The following MCCC2 variants were observed in gnomAD, a reference collection of about 807,000 sequenced individuals.
MCCC2 encodes the protein methylcrotonoyl-CoA carboxylase beta chain, mitochondrial.
Under a neutral mutation model 77.2 loss-of-function variants are expected in MCCC2, and 52 were observed. The ratio of observed to expected loss-of-function variants is 0.67; its 90% CI spans 0.54 to 0.85. The LOEUF is 0.85. Ranked by LOEUF, MCCC2 falls within the 40% of genes least tolerant of loss-of-function variation. The pLI, the probability that MCCC2 is intolerant of heterozygous loss-of-function variation, is 0.00. For missense variants in MCCC2, 682 were observed against 703.2 expected, an observed-to-expected ratio of 0.97 and a Z score of 0.34; for synonymous variants, 253 against 248.4, an observed-to-expected ratio of 1.02 and a Z score of -0.18.
chr5:71,598,302 C>A lies in MCCC2; in HGVS notation c.282-1357C>A, dbSNP rs552860966. On this transcript the variant is annotated intron_variant, in intron 3 of 16. Coordinates refer to ENST00000340941, the MANE Select transcript of MCCC2 (RefSeq NM_022132.5). ...CCCAGGATGGTCTCAATCTCTTGACCTCGTGATCTGCCCACCTTGGCCTCC... is the reference window on the plus strand; with the variant it reads ...CCCAGGATGGTCTCAATCTCTTGACATCGTGATCTGCCCACCTTGGCCTCC... Among the ~76,000 whole-genome samples, 5 of 152,022 alleles carry A rather than the reference C, an allele frequency of 3.3e-5. No homozygotes were observed. In the South Asian group the frequency reaches 8.3e-4, roughly 25 times the overall value.
At chr5:71,636,205 G>A (rs1352057436) in intron 10 of MCCC2, 1 of 315,166 alleles carries the variant, frequency 3.2e-6, no homozygotes, top group Non-Finnish European at 6.6e-6. Context: ...TGCATTGATG[G>A]ATATAATGTT....
At chr5:71,627,644 C>G (rs897638972) in intron 7 of MCCC2, among the ~76,000 whole-genome samples, 1 of 152,138 alleles carries the variant, frequency 6.6e-6, no homozygotes, top group Admixed American at 6.5e-5. Context: ...TGAAAAACTT[C>G]TAATCTATCC....
At chr5:71,644,058 TGTGTGTGTGTGTGCGC>T (rs1305252473) in intron 12 of MCCC2, among the ~76,000 whole-genome samples, 163 bp downstream of exon 12, 16 of 147,504 alleles carry the variant, frequency 1.1e-4, no homozygotes, top group Middle Eastern at 3.5e-3. Context: ...TGTGTGTGTG[TGTGTGTGTGTGTGCGC>T]GCGTGTGTAT....
chr5:71,649,228 TATGGG>T lies in MCCC2; in HGVS notation c.1352_1356del (p.Gly451ValfsTer6). On this transcript the variant is annotated frameshift_variant, in exon 14 of 17. Coordinates refer to ENST00000340941, the MANE Select transcript of MCCC2 (RefSeq NM_022132.5). LOFTEE classifies it high-confidence loss of function. ...TGGGGGCTCCTATGGAGCCGGAAAC[TATGGG>T]ATGTGTGGCAGAGCATATAGGTAGG... 1.2e-6 allele frequency: 2 copies of T among 1,614,144 alleles called. No individual in the cohort carries two copies. The highest frequency in any genetic ancestry group is 2.2e-5 in the South Asian group (2 of 91,080).
At position 71,656,805 on chromosome 5, in the gene MCCC2, G is replaced by A. The variant is rs752227790; in HGVS notation, c.1637G>A (p.Ser546Asn). The A allele has an allele frequency of 6.2e-7, 1 of 1,614,122 alleles. No homozygotes were observed. Among genetic ancestry groups the A allele is most frequent in the South Asian group, 1.1e-5 (1 of 91,076 alleles). Residue 546 changes from serine to asparagine, a missense_variant, in exon 17 of 17, where the codon AGT becomes AAT. Physicochemically the swap from Ser to Asn is conservative, Grantham distance 46 (BLOSUM62 1). Transcript: ENST00000340941. ...AGACTGGTCTTGGGTCTCAGTTTTAGTGCAGCCCTCAACGCACCAATAGAG... is the reference window on the plus strand; with the variant it reads ...AGACTGGTCTTGGGTCTCAGTTTTAATGCAGCCCTCAACGCACCAATAGAG... ...DTRLVLGLSF[S>N]AALNAPIEKT...
chr5:71,636,543 A>G (rs1322362193), intron 10 of MCCC2: 1 of 152,078 alleles, frequency 6.6e-6, no homozygotes, highest in Admixed American at 6.6e-5. Context: ...TCTACTAAAC[A>G]TACAAAAATT....
chr5:71,632,253 T>C (rs896486336), intron 8 of MCCC2, 68 bp downstream of exon 8: 1 of 1,532,572 alleles, frequency 6.5e-7, no homozygotes. Context: ...AAAAGAAGTT[T>C]TACGTATTTG....
intron 4 of MCCC2, among the ~76,000 whole-genome samples, chr5:71,600,694 A>C (rs926320031): frequency 2.6e-5 from 4 of 152,248 alleles, no homozygotes; most frequent in Non-Finnish European, 5.9e-5. Flanking sequence ...ATTTGCTCAA[A>C]TTAAGCAAAA....
At chr5:71,608,999 C>A (rs1191694624) in intron 6 of MCCC2, among the ~76,000 whole-genome samples, 19 of 152,012 alleles carry the variant, frequency 1.2e-4, no homozygotes, top group Non-Finnish European at 2.5e-4. Flanking sequence ...CTGCCCTTAA[C>A]ATTTTTTCCT....
rs201664905 is a variant in MCCC2 at position 71,641,092 on chromosome 5, T to C, written c.1072+17T>C. On this transcript the variant is annotated intron_variant, in intron 11 of 16. Coordinates refer to ENST00000340941, the MANE Select transcript of MCCC2 (RefSeq NM_022132.5). The stretch of plus-strand genomic sequence containing the variant: ...TAGTTACAGGTATAAAGGTGAAGAA[T>C]TGAAAATACGAACATTTTCTGCTGC... 192 of 1,606,568 alleles carry C rather than the reference T, an allele frequency of 1.2e-4. No homozygotes were observed. The highest frequency in any genetic ancestry group is 1.5e-4 in the Non-Finnish European group (181 of 1,173,318).
chr5:71,595,968 G>A (rs1745170149), intron 2 of MCCC2, among the ~76,000 whole-genome samples: 1 of 152,114 alleles, frequency 6.6e-6, no homozygotes, highest in Non-Finnish European at 1.5e-5. Context: ...GTGGAGATGA[G>A]GCATTATTTG....
intron 5 of MCCC2, chr5:71,603,165 C>A (rs1385526348): frequency 6.4e-6 from 1 of 156,502 alleles, no homozygotes; most frequent in Non-Finnish European, 1.4e-5. Flanking sequence ...GTAATCCCAG[C>A]ACTTTGGGAG....
chr5:71,615,614 A>G (rs949566494), intron 6 of MCCC2, among the ~76,000 whole-genome samples: 3 of 152,114 alleles, frequency 2.0e-5, no homozygotes, highest in African/African-American at 7.2e-5. Flanking sequence ...TAAGAAATAT[A>G]CACATTGATC....
At chr5:71,632,057 T>C in intron 7 of MCCC2, 64 bp from the exon 8 acceptor site, 1 of 1,407,796 alleles carries the variant, frequency 7.1e-7, no homozygotes, top group Non-Finnish European at 1.0e-6. Flanking sequence ...GTTGTGCATG[T>C]TGGGGAAGCA....
chr5:71,596,259 C>G (rs771251662), intron 2 of MCCC2, 21 bp from the exon 3 acceptor site: 14 of 1,603,074 alleles, frequency 8.7e-6, no homozygotes, highest in Non-Finnish European at 1.1e-5. Context: ...CTAATCTAAT[C>G]TAATCACATT....
At chr5:71,589,424 G>T (rs1744888194) in intron 1 of MCCC2, among the ~76,000 whole-genome samples, 1 of 152,250 alleles carries the variant, frequency 6.6e-6, no homozygotes, top group African/African-American at 2.4e-5. Flanking sequence ...TCCACTGCAG[G>T]GTAGGTTCAG....
At chr5:71,626,217 TC>T (rs1336488487) in intron 6 of MCCC2, among the ~76,000 whole-genome samples, 1 of 152,230 alleles carries the variant, frequency 6.6e-6, no homozygotes, top group African/African-American at 2.4e-5. Flanking sequence ...ATTAATAACA[TC>T]CATTTGAAGA....
intron 15 of MCCC2, among the ~76,000 whole-genome samples, chr5:71,652,382 C>T (rs1747459310): frequency 6.6e-6 from 1 of 152,180 alleles, no homozygotes; most frequent in Admixed American, 6.5e-5. Context: ...TTGTATAATT[C>T]ACATCTATTA....
chr5:71,593,495 G>A lies in MCCC2; in HGVS notation c.196+503G>A, dbSNP rs373466382. Among the ~76,000 whole-genome samples, 447 of 151,644 alleles carry A rather than the reference G, an allele frequency of 2.9e-3. 3 individuals are homozygous for A. The highest frequency in any genetic ancestry group is 0.01 in the African/African-American group (419 of 41,382). On this transcript the variant is annotated intron_variant, in intron 2 of 16. Transcript: ENST00000340941. Reference sequence around the variant, plus strand: ...CTCTTCATAGAGTACTACCACTTTTGGGGGGAAAAGTAAAGATTCAAATTC... The same window carrying A: ...CTCTTCATAGAGTACTACCACTTTTAGGGGGAAAAGTAAAGATTCAAATTC...
Sources: allele counts gnomAD v4.1 joint callset (sites outside exome capture counted in the v4.1 genomes callset), GRCh38; gene constraint gnomAD v4.1.1; transcripts MANE v1.5; gene names NCBI Gene and HGNC (gene_info 2026-07-23, HGNC 2026-07-21).